The following DYNC2H1 variants were observed in gnomAD, a reference collection of about 807,000 sequenced individuals.
The protein encoded by DYNC2H1 is dynein cytoplasmic 2 heavy chain 1, also known as cytoplasmic dynein 2 heavy chain 1.
DYNC2H1 carries 410 observed loss-of-function variants against 570.0 expected under a neutral mutation model. The observed-to-expected ratio is 0.72, with a 90% CI of 0.66 to 0.78. The LOEUF (loss-of-function observed/expected upper bound fraction) is 0.78. Among genes scored for constraint, DYNC2H1 ranks in the 30% least tolerant of loss-of-function variants. The probability of loss-of-function intolerance (pLI) is 0.00; values close to 1 mark genes in which losing one functional copy is unlikely to be tolerated. For synonymous variants in DYNC2H1, 1,688 were observed against 1,677.6 expected (o/e 1.01, Z -0.15); for missense variants, 4,865 against 5,046.4 (o/e 0.96, Z 1.09).
chr11:103,456,328 G>A lies in DYNC2H1; in HGVS notation c.12620G>A (p.Arg4207Gln), dbSNP rs369586383. 8.1e-6 allele frequency: 13 copies of A among 1,606,964 alleles called. No individual in the cohort carries two copies. Among genetic ancestry groups the A allele is most frequent in the South Asian group, 4.5e-5 (4 of 89,432 alleles). Reference sequence around the variant, plus strand: ...AAATTTGTAGCCTCATGGAAAGGTCGACTGCAAGAAGCAAAGCTACAAATT... The same window carrying A: ...AAATTTGTAGCCTCATGGAAAGGTCAACTGCAAGAAGCAAAGCTACAAATT... ...SLKFVASWKG[R>Q]LQEAKLQIKI... Residue 4207 changes from arginine to glutamine, a missense_variant, in exon 87 of 89, where the codon CGA becomes CAA. Transcript: ENST00000375735.
chr11:103,302,607 A>T (rs536158413), intron 75 of DYNC2H1, among the ~76,000 whole-genome samples: 39 of 152,200 alleles, frequency 2.6e-4, no homozygotes, highest in Non-Finnish European at 4.4e-4. Context: ...GGCCTATATC[A>T]TGCCAGTGAA....
intron 11 of DYNC2H1, 94 bp from the exon 12 acceptor site, chr11:103,125,006 T>C (rs943138955): frequency 6.7e-6 from 6 of 892,050 alleles, no homozygotes; most frequent in Non-Finnish European, 1.0e-5. Flanking sequence ...TGAGCTAATA[T>C]TAGATGTACA....
chr11:103,201,538 C>T lies in DYNC2H1; in HGVS notation c.8197+1384C>T, dbSNP rs12270398. Among the ~76,000 whole-genome samples the T allele has an allele frequency of 0.034, 5,099 of 152,114 alleles. 290 individuals are homozygous for T. The highest frequency in any genetic ancestry group is 0.12 in the African/African-American group (4,841 of 41,442). On this transcript the variant is annotated intron_variant, in intron 50 of 88. Transcript: ENST00000375735. This position sits in a 1 kb window ranked among gnomAD's most constrained non-coding sequence, Gnocchi z 4.8. Reference sequence around the variant, plus strand: ...CTAAAAACGAATTCTTTGCTACTACCCTAAATCCATTGAATTAAAATCTCT... The same window carrying T: ...CTAAAAACGAATTCTTTGCTACTACTCTAAATCCATTGAATTAAAATCTCT...
intron 83 of DYNC2H1, among the ~76,000 whole-genome samples, chr11:103,380,459 T>A (rs1164399292): frequency 6.6e-6 from 1 of 152,022 alleles, no homozygotes; most frequent in African/African-American, 2.4e-5. Flanking sequence ...AAAAAAAGAG[T>A]ACAGGTATTA....
At chr11:103,453,529 C>T (rs1182843631) in intron 85 of DYNC2H1, among the ~76,000 whole-genome samples, 1 of 150,832 alleles carries the variant, frequency 6.6e-6, no homozygotes, top group African/African-American at 2.4e-5. Flanking sequence ...AGATTAATAA[C>T]ATTTTTACTA....
At chr11:103,230,912 C>CT (rs1338643678) in intron 59 of DYNC2H1, among the ~76,000 whole-genome samples, 1 of 152,092 alleles carries the variant, frequency 6.6e-6, no homozygotes, top group Non-Finnish European at 1.5e-5. Flanking sequence ...CTATTTCATA[C>CT]TTTCCTCTTT....
Position 103,170,078 on chromosome 11 carries a change from A to G in DYNC2H1, c.4969-30A>G, listed in dbSNP as rs2134963482. 2 of 1,559,004 alleles carry G rather than the reference A, an allele frequency of 1.3e-6. No homozygotes were observed. Among genetic ancestry groups the G allele is most frequent in the South Asian group, 2.5e-5 (2 of 80,772 alleles). On this transcript the variant is annotated intron_variant, in intron 32 of 88. Transcript: ENST00000375735. This position sits in a 1 kb window ranked among gnomAD's most constrained non-coding sequence, Gnocchi z 4.8. ...TTTGTAAATGTTGAATAGAACATGAATACTCTGACTTTGTGTTGTTCTTGT... is the reference window on the plus strand; with the variant it reads ...TTTGTAAATGTTGAATAGAACATGAGTACTCTGACTTTGTGTTGTTCTTGT...
At position 103,233,869 on chromosome 11, in the gene DYNC2H1, TGTGTGTGTGG is replaced by T. The variant is rs747004629; in HGVS notation, c.9441-162_9441-153del. 0.14 allele frequency among the ~76,000 whole-genome samples: 17,450 copies of T among 124,448 alleles called. 1,379 individuals are homozygous for T. The highest frequency in any genetic ancestry group is 0.21 in the East Asian group (980 of 4,662). The allele number at this position is 124,448 out of a possible 152,430, so 81.6% of individuals were successfully genotyped here. A position where few individuals can be genotyped will look rare whatever the true frequency, so the allele number is the denominator to read the frequency against. ...GTGTGTGTGTGTGTGTGTGTGTGTG[TGTGTGTGTGG>T]GTTTGTCTCTTCTATTAATGATACT... On this transcript the variant is annotated intron_variant, in intron 60 of 88. Coordinates refer to ENST00000375735, the MANE Select transcript of DYNC2H1 (RefSeq NM_001377.3).
intron 79 of DYNC2H1, among the ~76,000 whole-genome samples, chr11:103,314,881 T>C (rs1225372129): frequency 6.6e-6 from 1 of 152,060 alleles, no homozygotes; most frequent in African/African-American, 2.4e-5. Context: ...TTCAAGGTAT[T>C]AAACATTTTT....
At position 103,275,161 on chromosome 11, in the gene DYNC2H1, G is replaced by C. The variant is rs973500698; in HGVS notation, c.10696-5187G>C. ...AATATTCATTGGCTATGTTATAGTT[G>C]TGAATGTGTTTTTTTAAAGTAGGGT... is the stretch of plus-strand genomic sequence containing the variant. On this transcript the variant is annotated intron_variant, in intron 70 of 88. Coordinates refer to ENST00000375735, the MANE Select transcript of DYNC2H1 (RefSeq NM_001377.3). The surrounding 1 kb of genome is among the most constrained non-coding windows in gnomAD (Gnocchi z 4.8). 2.6e-5 allele frequency among the ~76,000 whole-genome samples: 4 copies of C among 152,164 alleles called. No homozygotes were observed. The highest frequency in any genetic ancestry group is 4.4e-5 in the Non-Finnish European group (3 of 68,024).
At chr11:103,393,265 T>C (rs966439305) in intron 83 of DYNC2H1, among the ~76,000 whole-genome samples, 1 of 152,232 alleles carries the variant, frequency 6.6e-6, no homozygotes, top group Non-Finnish European at 1.5e-5. Context: ...AAATTAGCTA[T>C]TCTTCCTCTT....
chr11:103,349,431 CAGTA>C (rs1256196536), intron 82 of DYNC2H1, among the ~76,000 whole-genome samples: 1 of 151,956 alleles, frequency 6.6e-6, no homozygotes, highest in Non-Finnish European at 1.5e-5. Flanking sequence ...TTTTTACTAT[CAGTA>C]GGTAGGATTG....
chr11:103,459,961 AAAAAAAAG>A (rs1000802705), intron 87 of DYNC2H1, among the ~76,000 whole-genome samples: 2 of 150,094 alleles, frequency 1.3e-5, no homozygotes, highest in African/African-American at 4.9e-5. Context: ...TCCGTCTCAA[AAAAAAAAG>A]AAAAAAAAAA....
chr11:103,110,277 G>A (rs905248465), intron 1 of DYNC2H1, among the ~76,000 whole-genome samples: 5 of 152,124 alleles, frequency 3.3e-5, no homozygotes, highest in Admixed American at 2.6e-4. Context: ...CTCCCAAAGT[G>A]CTGGGATTGC....
chr11:103,418,532 T>C (rs1435697015), intron 84 of DYNC2H1, among the ~76,000 whole-genome samples: 1 of 152,144 alleles, frequency 6.6e-6, no homozygotes, highest in Non-Finnish European at 1.5e-5. Context: ...TCAAGAGACC[T>C]AGTGTTAAAA....
chr11:103,253,457 AG>A lies in DYNC2H1; in HGVS notation c.10206+10del. 1.3e-6 allele frequency: 2 copies of A among 1,584,640 alleles called. No individual in the cohort carries two copies. Among genetic ancestry groups the A allele is most frequent in the Non-Finnish European group, 1.7e-6 (2 of 1,163,034 alleles). ...GTGGATTACGAGGGCAGGTATACATAGATAATAATAATTTACCTTGGAATCT... is the reference window on the plus strand; with the variant it reads ...GTGGATTACGAGGGCAGGTATACATAATAATAATAATTTACCTTGGAATCT... On this transcript the variant is annotated intron_variant, in intron 66 of 88. Coordinates refer to ENST00000375735, the MANE Select transcript of DYNC2H1 (RefSeq NM_001377.3).
intron 4 of DYNC2H1, 81 bp from the exon 5 acceptor site, chr11:103,116,489 G>C: frequency 4.5e-6 from 5 of 1,117,526 alleles, no homozygotes; most frequent in Non-Finnish European, 5.9e-6. Flanking sequence ...TGTGGCAGTT[G>C]AAAAGGCCTG....
In DYNC2H1 at chr11:103,219,964, CA is replaced by C. The variant is rs1863525164; in HGVS notation, c.8883del (p.Glu2962LysfsTer17). On this transcript the variant is annotated frameshift_variant, in exon 56 of 89. Transcript: ENST00000375735. LOFTEE classifies it high-confidence loss of function. ...CTTGAAAGACTGAAGCACAGAATAGCAGAAGAAGTTGTTAAAATTGAAGAAA... is the reference window on the plus strand; with the variant it reads ...CTTGAAAGACTGAAGCACAGAATAGCGAAGAAGTTGTTAAAATTGAAGAAA... ...TELERLKHRIAEEVVKIEERK... is the reference protein window; with the variant it reads ...TELERLKHRIXEEVVKIEERK... 1.3e-6 allele frequency: 2 copies of C among 1,507,360 alleles called. No individual in the cohort carries two copies. Among genetic ancestry groups the C allele is most frequent in the Admixed American group, 2.7e-5 (1 of 37,498 alleles). The allele number at this position is 1,507,360 out of a possible 1,614,324, so 93.4% of individuals were successfully genotyped here.
At position 103,177,308 on chromosome 11, in the gene DYNC2H1, C is replaced by G. The variant is rs1372319468; in HGVS notation, c.5875-248C>G. 2.0e-5 allele frequency among the ~76,000 whole-genome samples: 3 copies of G among 152,024 alleles called. No individual in the cohort carries two copies. The highest frequency in any genetic ancestry group is 7.2e-5 in the African/African-American group (3 of 41,396). Reference sequence around the variant, plus strand: ...CAAGTAACGAACATAATTGTTCATACAAGTTTTTTGAACTTGGAAACCTGG... The same window carrying G: ...CAAGTAACGAACATAATTGTTCATAGAAGTTTTTTGAACTTGGAAACCTGG... On this transcript the variant is annotated intron_variant, in intron 37 of 88. Coordinates refer to ENST00000375735, the MANE Select transcript of DYNC2H1 (RefSeq NM_001377.3). The surrounding 1 kb of genome is among the most constrained non-coding windows in gnomAD (Gnocchi z 4.4).
Sources: gnomAD v4.1 joint callset for allele counts (sites outside exome capture counted in the v4.1 genomes callset) on GRCh38, gnomAD v4.1.1 for gene constraint, Gnocchi (gnomAD v3.1) non-coding constraint, MANE v1.5 for transcripts, NCBI Gene and HGNC (gene_info 2026-07-23, HGNC 2026-07-21) for gene names.